FRK: variants seen among roughly 807,000 people sequenced by gnomAD.
FRK encodes the protein fyn related Src family tyrosine kinase, also known as tyrosine-protein kinase FRK.
Under a neutral mutation model 56.4 loss-of-function variants are expected in FRK, and 51 were observed. The observed-to-expected ratio is 0.90, with a 90% confidence interval of 0.72 to 1.14. The LOEUF (loss-of-function observed/expected upper bound fraction) is 1.14, where lower values mean the gene tolerates loss of function less well. FRK is among the 50% of genes most tolerant of loss of function. FRK has a pLI of 0.00. For missense variants in FRK, 570 were observed against 601.4 expected, an observed-to-expected ratio of 0.95 and a Z score of 0.55; for synonymous variants, 245 against 217.9, an observed-to-expected ratio of 1.12 and a Z score of -1.10.
In FRK at chr6:115,942,077, T is replaced by G. The variant is rs1211074359; in HGVS notation, c.*337A>C. 4.2e-6 allele frequency: 1 copy of G among 239,970 alleles called. No homozygotes were observed. The highest frequency in any genetic ancestry group is 2.3e-5 in the African/African-American group (1 of 43,110). 14.9% of individuals were successfully genotyped at this position (239,970 alleles called of 1,614,324 possible). Reference sequence around the variant, plus strand: ...AACAGGAAAATGCTACAACAGTCACTGAGTAAAAATTGGACTATCATCTGT... The same window carrying G: ...AACAGGAAAATGCTACAACAGTCACGGAGTAAAAATTGGACTATCATCTGT... On this transcript the variant is annotated 3_prime_UTR_variant, in exon 8 of 8. Coordinates refer to ENST00000606080, the MANE Select transcript of FRK (RefSeq NM_002031.3).
chr6:116,087,632 G>T, the FRK span, among the ~76,000 whole-genome samples: 1 of 152,264 alleles, frequency 6.6e-6, no homozygotes, highest in Non-Finnish European at 1.5e-5. Flanking sequence ...GGAACAGAAA[G>T]AGAAGATACA....
intron 5 of FRK, among the ~76,000 whole-genome samples, chr6:115,953,824 A>G (rs1380297003): frequency 6.6e-6 from 1 of 152,196 alleles, no homozygotes; most frequent in Non-Finnish European, 1.5e-5. Flanking sequence ...TATTTATTCA[A>G]TACCTAATTA....
chr6:116,023,480 CA>C (rs1185595179), intron 1 of FRK, among the ~76,000 whole-genome samples: 3 of 152,228 alleles, frequency 2.0e-5, no homozygotes, highest in African/African-American at 7.2e-5. Context: ...ATACATACAA[CA>C]ATATGATTGA....
chr6:116,000,223 CTTTTTTTTTTTTTTTTT>C (rs561273499), intron 2 of FRK, among the ~76,000 whole-genome samples: 857 of 52,948 alleles, frequency 0.016, 6 homozygotes, highest in Non-Finnish European at 0.021. Flanking sequence ...ATCATTCTTT[CTTTTTTTTTTTTTTTTT>C]TTTTTTTTTT....
chr6:115,964,954 A>C, intron 4 of FRK, among the ~76,000 whole-genome samples: 1 of 18,750 alleles, frequency 5.3e-5, no homozygotes, highest in Admixed American at 6.6e-4. Flanking sequence ...CCCTAGAAGA[A>C]AACCTAGGCA....
At chr6:116,013,275 T>C (rs1372680259) in intron 1 of FRK, among the ~76,000 whole-genome samples, 2 of 152,182 alleles carry the variant, frequency 1.3e-5, no homozygotes, top group Non-Finnish European at 2.9e-5. Context: ...TTACAAAGAA[T>C]ACAACAAAGT....
rs1562243541 is a variant in FRK, at chr6:115,935,949, T to G, written c.*6465A>C. Reference sequence around the variant, plus strand: ...CTTAAATATCTCTGCCGGACAGCTCTGAAGAGAGTAGTGGATTTCCCAGCA... The same window carrying G: ...CTTAAATATCTCTGCCGGACAGCTCGGAAGAGAGTAGTGGATTTCCCAGCA... On this transcript the variant is annotated 3_prime_UTR_variant, in exon 8 of 8. Transcript: ENST00000606080. 1 of 152,380 alleles carries G rather than the reference T, an allele frequency of 6.6e-6. No homozygotes were observed. Among genetic ancestry groups the G allele is most frequent in the Non-Finnish European group, 1.5e-5 (1 of 68,192 alleles). The allele number at this position is 152,380 out of a possible 1,614,324, so 9.4% of individuals were successfully genotyped here.
chr6:116,029,620 G>T (rs1463119350), intron 1 of FRK, among the ~76,000 whole-genome samples: 2 of 151,920 alleles, frequency 1.3e-5, no homozygotes, highest in African/African-American at 4.8e-5. Context: ...ATAAAGTAAG[G>T]GCCAGGCACC....
At chr6:116,034,243 G>C (rs1325531001) in intron 1 of FRK, among the ~76,000 whole-genome samples, 1 of 152,086 alleles carries the variant, frequency 6.6e-6, no homozygotes, top group African/African-American at 2.4e-5. Flanking sequence ...ACCTAGAAGA[G>C]AGAATTTGGA....
Position 116,039,109 on chromosome 6 carries a change from GGGACT to G in FRK, c.344+20854_344+20858del, listed in dbSNP as rs1355255228. The G allele has an allele frequency of 4.9e-6, 4 of 819,654 alleles. No individual in the cohort carries two copies. The African/African-American group carries it at 6.7e-5, about 14-fold the overall frequency. 50.8% of individuals were successfully genotyped at this position (819,654 alleles called of 1,614,324 possible). On this transcript the variant is annotated intron_variant, in intron 1 of 7. Coordinates refer to ENST00000606080, the MANE Select transcript of FRK (RefSeq NM_002031.3). ...AGAAAGTGGCCCATGCTCTGGCAAA[GGGACT>G]CAGAGTAATCGCTTGCACTGGGGAG...
chr6:116,011,163 T>G (rs1375676682), intron 1 of FRK, among the ~76,000 whole-genome samples: 1 of 152,182 alleles, frequency 6.6e-6, no homozygotes, highest in Non-Finnish European at 1.5e-5. Flanking sequence ...TAATCAAAAT[T>G]TAGGGAAATC....
At chr6:116,088,386 T>C in the FRK span, among the ~76,000 whole-genome samples, 1 of 152,154 alleles carries the variant, frequency 6.6e-6, no homozygotes, top group Admixed American at 6.5e-5. Context: ...ACAAGAACTA[T>C]AAAACAAGCT....
intron 1 of FRK, among the ~76,000 whole-genome samples, chr6:116,047,545 C>T (rs1777016052): frequency 6.6e-6 from 1 of 151,116 alleles, no homozygotes; most frequent in African/African-American, 2.4e-5. Context: ...CCATGCCTAG[C>T]TAATCCAGCT....
chr6:115,968,411 C>A (rs1357213068), intron 3 of FRK, among the ~76,000 whole-genome samples, 165 bp downstream of exon 3: 1 of 152,110 alleles, frequency 6.6e-6, no homozygotes, highest in African/African-American at 2.4e-5. Context: ...TTTACAAAAA[C>A]AAGCATACGT....
intron 2 of FRK, among the ~76,000 whole-genome samples, chr6:115,995,412 T>C (rs1268850894): frequency 6.6e-6 from 1 of 152,206 alleles, no homozygotes; most frequent in Non-Finnish European, 1.5e-5. Context: ...CCTACTTATT[T>C]ATTTAATATC....
At chr6:115,947,400 G>C (rs1280937047) in intron 5 of FRK, among the ~76,000 whole-genome samples, 1 of 151,574 alleles carries the variant, frequency 6.6e-6, no homozygotes, top group Non-Finnish European at 1.5e-5. Flanking sequence ...ATCTCAATAA[G>C]ATGTGAGGTG....
intron 1 of FRK, chr6:116,039,617 T>C (rs1282026941): frequency 2.6e-6 from 2 of 766,944 alleles, no homozygotes; most frequent in East Asian, 2.5e-5. Context: ...TGCGGCCTCA[T>C]CCAAACTGTA....
At chr6:116,026,533 A>C in intron 1 of FRK, among the ~76,000 whole-genome samples, 1 of 118,354 alleles carries the variant, frequency 8.4e-6, no homozygotes, top group East Asian at 2.3e-4. Flanking sequence ...GGAGGGGGGA[A>C]GGGAGGAAAG....
At chr6:116,022,009 C>T (rs528238233) in intron 1 of FRK, among the ~76,000 whole-genome samples, 125 of 150,052 alleles carry the variant, frequency 8.3e-4, no homozygotes, top group African/African-American at 3.0e-3. Flanking sequence ...CAGATTCTCA[C>T]ATATATTAAA....
Sources: gnomAD v4.1 joint callset for allele counts (sites outside exome capture counted in the v4.1 genomes callset) on GRCh38, gnomAD v4.1.1 for gene constraint, MANE v1.5 for transcripts, NCBI Gene and HGNC (gene_info 2026-07-23, HGNC 2026-07-21) for gene names.